Variants in ATXN1 observed in about 807,000 individuals in gnomAD.
ATXN1 encodes the protein ataxin-1.
In ATXN1, 8 loss-of-function variants were observed where a neutral mutation model predicts 56.4. That is an observed-to-expected ratio of 0.14 (90% CI 0.08 to 0.26). ATXN1 has a LOEUF of 0.26. Ranked by LOEUF, ATXN1 falls within the 10% of genes least tolerant of loss-of-function variation. The probability of loss-of-function intolerance (pLI) is 1.00; values close to 1 mark genes in which losing one functional copy is unlikely to be tolerated. For missense variants in ATXN1, 987 were observed against 1,106.5 expected, an observed-to-expected ratio of 0.89 and a Z score of 1.53; for synonymous variants, 514 against 494.6, an observed-to-expected ratio of 1.04 and a Z score of -0.52.
intron 5 of ATXN1, among the ~76,000 whole-genome samples, chr6:16,487,853 C>T (rs115340884): frequency 0.012 from 1,831 of 152,242 alleles, 38 homozygotes; most frequent in Admixed American, 0.05. Flanking sequence ...AACTAACATT[C>T]GAACAGGAAA....
At chr6:16,566,613 G>A (rs772714246) in intron 4 of ATXN1, among the ~76,000 whole-genome samples, 1 of 152,048 alleles carries the variant, frequency 6.6e-6, no homozygotes, top group Non-Finnish European at 1.5e-5. Context: ...CAGCACTTTG[G>A]GAGGCCACGG....
chr6:16,713,382 C>T (rs953328792), intron 2 of ATXN1, among the ~76,000 whole-genome samples: 5 of 152,182 alleles, frequency 3.3e-5, no homozygotes, highest in African/African-American at 4.8e-5. Flanking sequence ...AGCCAAAGGA[C>T]GCCATTGGCC....
chr6:16,317,493 T>A (rs1247860942), intron 7 of ATXN1, among the ~76,000 whole-genome samples: 1 of 152,050 alleles, frequency 6.6e-6, no homozygotes, highest in Non-Finnish European at 1.5e-5. Flanking sequence ...CCAGGCTAAT[T>A]TTTTTGTATT....
intron 4 of ATXN1, among the ~76,000 whole-genome samples, chr6:16,564,234 C>A (rs1407528260): frequency 1.3e-5 from 2 of 151,824 alleles, no homozygotes; most frequent in Non-Finnish European, 2.9e-5. Flanking sequence ...ACTATGTTCT[C>A]AAGAAAAATC....
chr6:16,313,038 T>C (rs1760436658), intron 7 of ATXN1, among the ~76,000 whole-genome samples: 2 of 152,098 alleles, frequency 1.3e-5, no homozygotes, highest in Admixed American at 1.3e-4. Context: ...CCACCACACC[T>C]GGCTAATTTT....
chr6:16,519,223 C>T (rs1357573953), intron 5 of ATXN1, among the ~76,000 whole-genome samples: 1 of 152,022 alleles, frequency 6.6e-6, no homozygotes, highest in South Asian at 2.1e-4. Flanking sequence ...AACACTCAGG[C>T]CCCCAAAGCA....
At chr6:16,364,874 T>C (rs1443076116) in intron 6 of ATXN1, among the ~76,000 whole-genome samples, 1 of 152,174 alleles carries the variant, frequency 6.6e-6, no homozygotes, top group Non-Finnish European at 1.5e-5. Flanking sequence ...TGGTGCCTTG[T>C]CTCCTTCAAG....
At chr6:16,470,804 G>A (rs1233177196) in intron 6 of ATXN1, among the ~76,000 whole-genome samples, 1 of 152,052 alleles carries the variant, frequency 6.6e-6, no homozygotes, top group Non-Finnish European at 1.5e-5. Flanking sequence ...GTCCAGCCTG[G>A]GCAACATAGT....
At chr6:16,357,988 C>T (rs990535190) in intron 6 of ATXN1, among the ~76,000 whole-genome samples, 2 of 152,036 alleles carry the variant, frequency 1.3e-5, no homozygotes, top group African/African-American at 4.8e-5. Context: ...GGTAAGGGAA[C>T]GGGGTGACAG....
intron 2 of ATXN1, among the ~76,000 whole-genome samples, chr6:16,678,479 T>C (rs1007950593): frequency 6.6e-6 from 1 of 152,228 alleles, no homozygotes; most frequent in Admixed American, 6.5e-5. Flanking sequence ...TGATATGCTA[T>C]GCTCACAGAG....
At chr6:16,702,217 A>G (rs569820423) in intron 2 of ATXN1, among the ~76,000 whole-genome samples, 9 of 152,364 alleles carry the variant, frequency 5.9e-5, no homozygotes, top group Non-Finnish European at 1.3e-4. Flanking sequence ...CAAACCTGAC[A>G]AAAACAAGAA....
chr6:16,516,636 T>A (rs764565482), intron 5 of ATXN1, among the ~76,000 whole-genome samples: 18 of 152,236 alleles, frequency 1.2e-4, no homozygotes, highest in Non-Finnish European at 2.1e-4. Flanking sequence ...TTTGCTAAGC[T>A]ACTGAAAGTT....
chr6:16,590,930 C>A (rs548606937), intron 3 of ATXN1, among the ~76,000 whole-genome samples: 1 of 152,000 alleles, frequency 6.6e-6, no homozygotes, highest in African/African-American at 2.4e-5. Flanking sequence ...ATAACCTCCG[C>A]CTTCCAGGTT....
At chr6:16,753,443 G>A (rs971636316) in intron 1 of ATXN1, 96 bp from the exon 2 acceptor site, 14 of 426,452 alleles carry the variant, frequency 3.3e-5, no homozygotes, top group South Asian at 6.6e-5. Context: ...TCTATGCACC[G>A]AAATACAAAT....
At chr6:16,727,434 G>GAAGA (rs1759874479) in intron 2 of ATXN1, among the ~76,000 whole-genome samples, 1 of 152,088 alleles carries the variant, frequency 6.6e-6, no homozygotes, top group Non-Finnish European at 1.5e-5. Flanking sequence ...TGGGCTCAGA[G>GAAGA]AAGACATCTA....
chr6:16,459,412 A>C (rs1457828508), intron 6 of ATXN1, among the ~76,000 whole-genome samples: 3 of 152,222 alleles, frequency 2.0e-5, no homozygotes, highest in Admixed American at 2.0e-4. Flanking sequence ...TAAAAGTTCG[A>C]GGCTTAGTAA....
chr6:16,717,098 T>A (rs1420043920), intron 2 of ATXN1, among the ~76,000 whole-genome samples: 3 of 152,216 alleles, frequency 2.0e-5, no homozygotes, highest in Non-Finnish European at 4.4e-5. Context: ...ATTACTACCA[T>A]CACCACTACC....
intron 2 of ATXN1, among the ~76,000 whole-genome samples, chr6:16,683,385 G>GT (rs1331494985): frequency 2.0e-5 from 3 of 152,198 alleles, no homozygotes; most frequent in African/African-American, 7.2e-5. Flanking sequence ...AAAGAGGGCA[G>GT]TTTCTCAGCT....
intron 2 of ATXN1, among the ~76,000 whole-genome samples, chr6:16,690,899 T>TA (rs1759031055): frequency 6.6e-6 from 1 of 152,134 alleles, no homozygotes; most frequent in African/African-American, 2.4e-5. Context: ...CTCCTGTCCT[T>TA]AGAGCCCCAG....
Sources: gnomAD v4.1 joint callset for allele counts (sites outside exome capture counted in the v4.1 genomes callset) on GRCh38, gnomAD v4.1.1 for gene constraint, MANE v1.5 for transcripts, NCBI Gene and HGNC (gene_info 2026-07-23, HGNC 2026-07-21) for gene names.